Variants in SCEL observed in about 807,000 individuals in gnomAD.
The protein encoded by SCEL is sciellin.
In SCEL, 113 loss-of-function variants were observed where a neutral mutation model predicts 117.6. That is an observed-to-expected ratio of 0.96 (90% CI 0.83 to 1.12). SCEL has a LOEUF of 1.12. SCEL is among the 50% of genes most tolerant of loss of function. The pLI, the probability that SCEL is intolerant of heterozygous loss-of-function variation, is 0.00. For synonymous variants in SCEL, 270 were observed against 256.2 expected (o/e 1.05, Z -0.51); for missense variants, 785 against 810.8 (o/e 0.97, Z 0.39).
intron 1 of SCEL, among the ~76,000 whole-genome samples, chr13:77,538,200 T>C (rs545098606): frequency 6.7e-6 from 1 of 148,956 alleles, no homozygotes; most frequent in African/African-American, 2.5e-5. Flanking sequence ...TACTGCAGCC[T>C]CCGCCTCCCA....
intron 9 of SCEL, among the ~76,000 whole-genome samples, chr13:77,576,125 G>A (rs1225430311): frequency 1.3e-5 from 2 of 152,108 alleles, no homozygotes; most frequent in Non-Finnish European, 2.9e-5. Flanking sequence ...AACATTCTCG[G>A]AAGAGTTGAT....
intron 28 of SCEL, among the ~76,000 whole-genome samples, chr13:77,630,328 T>C (rs1326721022): frequency 6.6e-6 from 1 of 152,208 alleles, no homozygotes; most frequent in Non-Finnish European, 1.5e-5. Context: ...ATGAGTGAAA[T>C]TAATTTCATA....
chr13:77,543,276 G>T (rs970370069), intron 1 of SCEL, among the ~76,000 whole-genome samples: 3 of 151,308 alleles, frequency 2.0e-5, no homozygotes, highest in Admixed American at 6.6e-5. Context: ...GTAGAGACGG[G>T]GTTTCACCGT....
At chr13:77,543,618 G>C (rs1431730954) in intron 1 of SCEL, among the ~76,000 whole-genome samples, 1 of 152,148 alleles carries the variant, frequency 6.6e-6, no homozygotes, top group Admixed American at 6.5e-5. Context: ...GCTCCACCAT[G>C]GATCTCCATT....
chr13:77,602,880 T>G, intron 17 of SCEL, 167 bp downstream of exon 17: 1 of 647,830 alleles, frequency 1.5e-6, no homozygotes, highest in South Asian at 2.3e-5. Flanking sequence ...AAATTTACAT[T>G]TACATATAGC....
At chr13:77,599,820 T>C in intron 15 of SCEL, 72 bp downstream of exon 15, 1 of 1,061,488 alleles carries the variant, frequency 9.4e-7, no homozygotes. Context: ...GGAGACCTCC[T>C]GCTTAGTACA....
At chr13:77,563,694 A>C in intron 4 of SCEL, 137 bp from the exon 5 acceptor site, 1 of 578,068 alleles carries the variant, frequency 1.7e-6, no homozygotes, top group Non-Finnish European at 2.9e-6. Flanking sequence ...GGGTATTAGA[A>C]ATCTATCTTT....
chr13:77,551,211 C>G (rs536103167), intron 1 of SCEL, among the ~76,000 whole-genome samples: 70 of 152,290 alleles, frequency 4.6e-4, no homozygotes, highest in African/African-American at 1.6e-3. Context: ...ACAGCCACCC[C>G]ACAGAGTTTA....
chr13:77,560,662 T>C (rs965161438), intron 4 of SCEL, among the ~76,000 whole-genome samples: 1 of 152,090 alleles, frequency 6.6e-6, no homozygotes, highest in Non-Finnish European at 1.5e-5. Flanking sequence ...AAAACAGTAA[T>C]CACAATGATA....
At chr13:77,620,297 G>A (rs189518122) in intron 27 of SCEL, among the ~76,000 whole-genome samples, 3 of 152,068 alleles carry the variant, frequency 2.0e-5, no homozygotes, top group Non-Finnish European at 4.4e-5. Context: ...TCTCCATTCT[G>A]CCCTCTTGAT....
intron 1 of SCEL, among the ~76,000 whole-genome samples, chr13:77,546,592 G>A (rs2084001147): frequency 6.6e-6 from 1 of 151,834 alleles, no homozygotes; most frequent in Non-Finnish European, 1.5e-5. Context: ...CATATCTTTT[G>A]TAGACTCCTG....
rs528378190 is a variant in SCEL, at chr13:77,600,112, G to C, written c.917+364G>C. The C allele has an allele frequency of 6.6e-5, 12 of 182,276 alleles. No homozygotes were observed. In the East Asian group the frequency reaches 1.6e-3, roughly 25 times the overall value. 11.3% of individuals were successfully genotyped at this position (182,276 alleles called of 1,614,324 possible). A position where few individuals can be genotyped will look rare whatever the true frequency, so the allele number is the denominator to read the frequency against. On this transcript the variant is annotated intron_variant, in intron 15 of 32. Coordinates refer to ENST00000349847, the MANE Select transcript of SCEL (RefSeq NM_144777.3). ...TACATTTATATTAAGGCATTTAGGT[G>C]CTGGGAGCATAGCCCCTCACCACTG...
intron 24 of SCEL, 110 bp downstream of exon 24, chr13:77,614,065 C>A: frequency 1.1e-6 from 1 of 926,918 alleles, no homozygotes; most frequent in South Asian, 1.5e-5. Flanking sequence ...CTCAAAATAT[C>A]ATCACAGGTG....
chr13:77,638,261 T>C (rs1374101589), intron 30 of SCEL, among the ~76,000 whole-genome samples: 4 of 152,162 alleles, frequency 2.6e-5, no homozygotes, highest in African/African-American at 9.7e-5. Flanking sequence ...ACTTTTCCAA[T>C]ATTTTGCCCA....
chr13:77,633,442 C>CAA (rs59939208), intron 28 of SCEL, among the ~76,000 whole-genome samples: 133 of 29,596 alleles, frequency 4.5e-3, no homozygotes, highest in Non-Finnish European at 5.8e-3. Flanking sequence ...GACTCCGCCT[C>CAA]AAAAAAAAAA....
chr13:77,552,048 T>G (rs1797034752), intron 1 of SCEL, among the ~76,000 whole-genome samples: 1 of 152,148 alleles, frequency 6.6e-6, no homozygotes, highest in Non-Finnish European at 1.5e-5. Flanking sequence ...GGCTGCATAG[T>G]ATTCCATGGT....
intron 1 of SCEL, among the ~76,000 whole-genome samples, chr13:77,548,353 G>A (rs1459285000): frequency 6.6e-6 from 1 of 152,192 alleles, no homozygotes; most frequent in East Asian, 1.9e-4. Context: ...ACATTAAGAT[G>A]TCACCTGTTC....
chr13:77,615,442 G>GT (rs2088951286), intron 24 of SCEL, among the ~76,000 whole-genome samples: 1 of 152,032 alleles, frequency 6.6e-6, no homozygotes, highest in Admixed American at 6.6e-5. Context: ...GCCAGGACGT[G>GT]TTTTTTACTG....
At chr13:77,555,546 G>C (rs1417850179) in intron 1 of SCEL, among the ~76,000 whole-genome samples, 1 of 152,170 alleles carries the variant, frequency 6.6e-6, no homozygotes, top group African/African-American at 2.4e-5. Context: ...GTGCCAGGCA[G>C]ACTGTAAGCA....
Sources: allele counts gnomAD v4.1 joint callset (sites outside exome capture counted in the v4.1 genomes callset), GRCh38; gene constraint gnomAD v4.1.1; transcripts MANE v1.5; gene names NCBI Gene and HGNC (gene_info 2026-07-23, HGNC 2026-07-21).